The following GRID1 variants were observed in gnomAD, a reference collection of about 807,000 sequenced individuals.
The protein encoded by GRID1 is glutamate receptor ionotropic, delta-1.
GRID1 carries 28 observed loss-of-function variants against 98.0 expected under a neutral mutation model. That is an observed-to-expected ratio of 0.29 (90% CI 0.21 to 0.39). The LOEUF is 0.39. GRID1 is among the 10% of genes least tolerant of loss of function. GRID1 has a pLI of 1.00. For synonymous variants in GRID1, 553 were observed against 538.5 expected, an observed-to-expected ratio of 1.03 and a Z score of -0.37; for missense variants, 1,111 against 1,340.5, an observed-to-expected ratio of 0.83 and a Z score of 2.67.
chr10:86,072,629 C>G (rs1427034364), intron 4 of GRID1, among the ~76,000 whole-genome samples: 2 of 152,192 alleles, frequency 1.3e-5, no homozygotes, highest in East Asian at 3.9e-4. Context: ...TAATTACCCT[C>G]AAAAGCCCAA....
At chr10:85,945,852 A>T (rs1363190298) in intron 4 of GRID1, among the ~76,000 whole-genome samples, 1 of 152,204 alleles carries the variant, frequency 6.6e-6, no homozygotes, top group Non-Finnish European at 1.5e-5. Context: ...ATTATTTATG[A>T]GTGACACATA....
chr10:85,816,607 T>C (rs981466794), intron 8 of GRID1, among the ~76,000 whole-genome samples: 1 of 152,228 alleles, frequency 6.6e-6, no homozygotes, highest in Non-Finnish European at 1.5e-5. Context: ...TGTTGGTGGA[T>C]ACATGACACT....
chr10:85,824,612 T>C (rs1267750760), intron 8 of GRID1, among the ~76,000 whole-genome samples: 3 of 152,202 alleles, frequency 2.0e-5, no homozygotes, highest in Admixed American at 2.0e-4. Flanking sequence ...TGTATAGCTG[T>C]GAATCTCAGA....
chr10:86,209,689 A>T (rs1320620025), intron 2 of GRID1, among the ~76,000 whole-genome samples: 1 of 152,222 alleles, frequency 6.6e-6, no homozygotes, highest in Non-Finnish European at 1.5e-5. Context: ...GTATAAAATA[A>T]ACTGTATATC....
chr10:86,212,034 A>G (rs1194324488), intron 2 of GRID1, among the ~76,000 whole-genome samples: 4 of 152,190 alleles, frequency 2.6e-5, no homozygotes, highest in Non-Finnish European at 5.9e-5. Context: ...GAGGTGAGAA[A>G]GGTGCCCTCA....
At chr10:85,965,102 A>G (rs548573040) in intron 4 of GRID1, among the ~76,000 whole-genome samples, 15 of 152,376 alleles carry the variant, frequency 9.8e-5, no homozygotes, top group African/African-American at 3.1e-4. Flanking sequence ...ATCTCATGCC[A>G]GTTAGAATGG....
intron 6 of GRID1, among the ~76,000 whole-genome samples, chr10:85,856,992 G>C (rs987369635): frequency 1.3e-5 from 2 of 152,174 alleles, no homozygotes; most frequent in African/African-American, 4.8e-5. Context: ...TGTTGGGTCA[G>C]TGTACAGGAA....
chr10:86,301,818 A>G (rs1367144556), intron 2 of GRID1, among the ~76,000 whole-genome samples: 1 of 152,226 alleles, frequency 6.6e-6, no homozygotes, highest in African/African-American at 2.4e-5. Flanking sequence ...AGGCCTCAGT[A>G]CTATTAAAAA....
At chr10:85,689,240 T>C (rs1841305716) in intron 12 of GRID1, among the ~76,000 whole-genome samples, 1 of 152,194 alleles carries the variant, frequency 6.6e-6, no homozygotes, top group Admixed American at 6.5e-5. Context: ...TTGGAACTGG[T>C]ACAGATAGGC....
chr10:85,784,455 A>T (rs1001330435), intron 8 of GRID1, among the ~76,000 whole-genome samples: 1 of 152,270 alleles, frequency 6.6e-6, no homozygotes, highest in South Asian at 2.1e-4. Flanking sequence ...TGTCCGGGGC[A>T]CTCTGTCCAC....
intron 2 of GRID1, among the ~76,000 whole-genome samples, chr10:86,260,041 C>G (rs1400804936): frequency 6.6e-6 from 1 of 152,228 alleles, no homozygotes; most frequent in Non-Finnish European, 1.5e-5. Flanking sequence ...GTGAACTGGT[C>G]TCTAGCTGGT....
chr10:85,697,356 A>G (rs534124103), intron 12 of GRID1, among the ~76,000 whole-genome samples: 49 of 152,244 alleles, frequency 3.2e-4, no homozygotes, highest in African/African-American at 1.1e-3. Flanking sequence ...TCCTTTTATT[A>G]TTATGCAATG....
chr10:86,198,702 T>C (rs186112490), intron 3 of GRID1, among the ~76,000 whole-genome samples: 132 of 152,334 alleles, frequency 8.7e-4, no homozygotes, highest in African/African-American at 3.1e-3. Flanking sequence ...ACAAGAAGAC[T>C]GCTCTGGAGC....
rs765211543 is a variant in GRID1, at chr10:85,916,142, G to A, written c.780+44C>T. The stretch of plus-strand genomic sequence containing the variant: ...CACACTGAGCTTTACAAGGGGCTAG[G>A]GGCTCAGTCCAGGCCGTGCTCATCA... On this transcript the variant is annotated intron_variant, in intron 5 of 15. Coordinates refer to ENST00000327946, the MANE Select transcript of GRID1 (RefSeq NM_017551.3). This position sits in a 1 kb window ranked among gnomAD's most constrained non-coding sequence, Gnocchi z 4.0. 2 of 1,414,854 alleles carry A rather than the reference G, an allele frequency of 1.4e-6. No individual in the cohort carries two copies. Among genetic ancestry groups the A allele is most frequent in the African/African-American group, 1.4e-5 (1 of 71,182 alleles). The allele number at this position is 1,414,854 out of a possible 1,614,324, so 87.6% of individuals were successfully genotyped here.
chr10:85,750,128 A>G (rs1167638282), intron 8 of GRID1, among the ~76,000 whole-genome samples: 2 of 152,240 alleles, frequency 1.3e-5, no homozygotes, highest in Non-Finnish European at 2.9e-5. Context: ...TATCATTACC[A>G]TAAATTATAA....
chr10:86,172,556 A>G (rs1020598027), intron 3 of GRID1, among the ~76,000 whole-genome samples: 7 of 152,212 alleles, frequency 4.6e-5, no homozygotes, highest in Non-Finnish European at 8.8e-5. Context: ...ATCCCATGGT[A>G]TGAATCATTT....
intron 4 of GRID1, among the ~76,000 whole-genome samples, chr10:85,929,088 C>T (rs1841814533): frequency 6.6e-6 from 1 of 152,098 alleles, no homozygotes; most frequent in Admixed American, 6.5e-5. Context: ...GGGCAGGTTC[C>T]CAATAGTTTG....
intron 2 of GRID1, among the ~76,000 whole-genome samples, chr10:86,247,669 G>A (rs183385534): frequency 6.6e-6 from 1 of 152,308 alleles, no homozygotes; most frequent in Non-Finnish European, 1.5e-5. Flanking sequence ...ACTAAGATGA[G>A]AGAGGTGGGA....
chr10:86,102,895 C>T (rs912598923), intron 4 of GRID1, among the ~76,000 whole-genome samples: 1 of 152,052 alleles, frequency 6.6e-6, no homozygotes, highest in Non-Finnish European at 1.5e-5. Context: ...CAGGTTTTTC[C>T]CAAGTTGTTC....
Sources: gnomAD v4.1 joint callset for allele counts (sites outside exome capture counted in the v4.1 genomes callset) on GRCh38, gnomAD v4.1.1 for gene constraint, Gnocchi (gnomAD v3.1) non-coding constraint, MANE v1.5 for transcripts, NCBI Gene and HGNC (gene_info 2026-07-23, HGNC 2026-07-21) for gene names.